Variants in ARHGEF10 observed in about 807,000 individuals in gnomAD.
ARHGEF10 encodes the protein Rho guanine nucleotide exchange factor 10.
Under a neutral mutation model 147.4 loss-of-function variants are expected in ARHGEF10, and 140 were observed. The ratio of observed to expected loss-of-function variants is 0.95; its 90% CI spans 0.83 to 1.09. ARHGEF10 has a LOEUF of 1.09. ARHGEF10 is among the 50% of genes least tolerant of loss of function. The pLI, the probability that ARHGEF10 is intolerant of heterozygous loss-of-function variation, is 0.00. For synonymous variants in ARHGEF10, 902 were observed against 695.8 expected (o/e 1.30, Z -4.67); for missense variants, 2,222 against 1,752.7 (o/e 1.27, Z -4.78).
rs527846761 is a variant in ARHGEF10 at position 1,856,730 on chromosome 8, CTG to C, written c.38-1226_38-1225del. On this transcript the variant is annotated intron_variant, in intron 2 of 28. Transcript: ENST00000349830. ...ATCTCCCTGGCCCACGGGGGATTGT[CTG>C]TGTTGGAGGGGCTTGGTTTGGGCTG... is the stretch of plus-strand genomic sequence containing the variant. Among the ~76,000 whole-genome samples, 10 of 152,288 alleles carry C rather than the reference CTG, an allele frequency of 6.6e-5. No individual in the cohort carries two copies. In the South Asian group the frequency reaches 1.2e-3, roughly 19 times the overall value.
intron 2 of ARHGEF10, among the ~76,000 whole-genome samples, chr8:1,854,292 AG>A (rs1274272415): frequency 6.6e-6 from 1 of 152,100 alleles, no homozygotes; most frequent in Non-Finnish European, 1.5e-5. Flanking sequence ...TCAGAGGAGC[AG>A]CCCAGCTCCA....
intron 1 of ARHGEF10, chr8:1,825,937 G>C: frequency 3.2e-6 from 2 of 630,714 alleles, no homozygotes; most frequent in Non-Finnish European, 5.5e-6. Flanking sequence ...AATATGTTTT[G>C]AACACCTGCT....
chr8:1,871,645 C>T lies in ARHGEF10; in HGVS notation c.679+2395C>T, dbSNP rs113300432. Among the ~76,000 whole-genome samples the T allele has an allele frequency of 2.8e-3, 428 of 152,190 alleles. 1 individual carries two copies. Among genetic ancestry groups the T allele is most frequent in the African/African-American group, 9.2e-3 (383 of 41,536 alleles). The stretch of plus-strand genomic sequence containing the variant: ...CCAGCCTGGCCAAGATGGTGAAACC[C>T]CATCTCTACTAAAAGTACAAAAATT... On this transcript the variant is annotated intron_variant, in intron 7 of 28. Transcript: ENST00000349830.
chr8:1,956,966 G>T lies in ARHGEF10; in HGVS notation c.3738G>T (p.Ser1246=), dbSNP rs3735876. 1.2e-6 allele frequency: 2 copies of T among 1,613,840 alleles called. No individual in the cohort carries two copies. Among genetic ancestry groups the T allele is most frequent in the South Asian group, 1.1e-5 (1 of 91,088 alleles). Residue 1246 remains serine, a synonymous_variant, in exon 29 of 29, where the codon TCG becomes TCT. Coordinates refer to ENST00000349830, the MANE Select transcript of ARHGEF10 (RefSeq NM_014629.4). ...DPDAAIWLGD[S]LGSMTQKSDL... ...ACGCAGCCATCTGGTTGGGAGATTC[G>T]CTGGGATCGATGACTCAGAAAAGCG...
At chr8:1,873,469 GT>G (rs1563209675) in intron 7 of ARHGEF10, among the ~76,000 whole-genome samples, 9 of 130,640 alleles carry the variant, frequency 6.9e-5, no homozygotes, top group Non-Finnish European at 1.2e-4. Context: ...TCCTCGTTGC[GT>G]TGAGAGGCGC....
intron 2 of ARHGEF10, among the ~76,000 whole-genome samples, chr8:1,852,809 C>T (rs1441545725): frequency 6.6e-6 from 1 of 152,236 alleles, no homozygotes; most frequent in Non-Finnish European, 1.5e-5. Flanking sequence ...GCCACCAAGG[C>T]AGCCCCAATG....
chr8:1,844,939 T>C (rs1169161777), intron 2 of ARHGEF10, among the ~76,000 whole-genome samples: 1 of 152,096 alleles, frequency 6.6e-6, no homozygotes, highest in Non-Finnish European at 1.5e-5. Context: ...TTAGTTGTAA[T>C]AGTTGTAATA....
chr8:1,836,524 A>T (rs1031389168), intron 1 of ARHGEF10, among the ~76,000 whole-genome samples: 1 of 151,852 alleles, frequency 6.6e-6, no homozygotes, highest in Non-Finnish European at 1.5e-5. Context: ...CAGGCTCTAG[A>T]CCCCCGGGCT....
rs748243323 is a variant in ARHGEF10 at position 1,894,480 on chromosome 8, C to A, written c.1348C>A (p.Leu450Met). ...KTVFYRVKEI[L>M]QCHSLFQIAL... ...GGTGTTCTACCGAGTCAAAGAGATC[C>A]TGCAGTGCCACTCGCTATTTCAGAT... Residue 450 changes from leucine to methionine, a missense_variant, in exon 13 of 29, where the codon CTG becomes ATG. Coordinates refer to ENST00000349830, the MANE Select transcript of ARHGEF10 (RefSeq NM_014629.4). 3 of 1,614,214 alleles carry A rather than the reference C, an allele frequency of 1.9e-6. No individual in the cohort carries two copies. In the South Asian group the frequency reaches 3.3e-5, roughly 18 times the overall value.
rs529237724 is a variant in ARHGEF10, at chr8:1,866,992, T to A, written c.622+390T>A. The stretch of plus-strand genomic sequence containing the variant: ...GAGATGCAGTGTCTGGCACCCGTTT[T>A]GAAGAGGGGGCGGGTGGGCCTCCCT... On this transcript the variant is annotated intron_variant, in intron 6 of 28. Transcript: ENST00000349830. Among the ~76,000 whole-genome samples, 373 of 150,998 alleles carry A rather than the reference T, an allele frequency of 2.5e-3. 1 individual carries two copies. The highest frequency in any genetic ancestry group is 8.5e-3 in the African/African-American group (350 of 41,202).
chr8:1,921,368 T>TGCATA (rs1427980167), intron 18 of ARHGEF10, among the ~76,000 whole-genome samples: 1 of 152,248 alleles, frequency 6.6e-6, no homozygotes, highest in Non-Finnish European at 1.5e-5. Context: ...AAGAACAAGC[T>TGCATA]GCATAATTTG....
At chr8:1,924,013 A>G (rs1247412820) in intron 21 of ARHGEF10, 139 bp downstream of exon 21, 1 of 862,670 alleles carries the variant, frequency 1.2e-6, no homozygotes, top group Non-Finnish European at 1.9e-6. Flanking sequence ...CTAAACAGGA[A>G]AATTCACCCT....
chr8:1,867,773 A>G (rs1806748685), intron 6 of ARHGEF10, among the ~76,000 whole-genome samples: 1 of 152,116 alleles, frequency 6.6e-6, no homozygotes, highest in African/African-American at 2.4e-5. Context: ...TGGCTCACTA[A>G]TTTCTATGTT....
intron 2 of ARHGEF10, among the ~76,000 whole-genome samples, chr8:1,853,645 G>C (rs925036078): frequency 6.6e-6 from 1 of 152,242 alleles, no homozygotes; most frequent in Non-Finnish European, 1.5e-5. Flanking sequence ...AGGGCCCTGA[G>C]GATGGCACAG....
intron 1 of ARHGEF10, among the ~76,000 whole-genome samples, chr8:1,837,746 G>A (rs1221048646): frequency 6.6e-6 from 1 of 152,170 alleles, no homozygotes; most frequent in Non-Finnish European, 1.5e-5. Context: ...ACCAGGGGAG[G>A]GCGCTGATTT....
rs190076240 is a variant in ARHGEF10, at chr8:1,951,229, G to A, written c.3398-1476G>A. Among the ~76,000 whole-genome samples, 239 of 152,352 alleles carry A rather than the reference G, an allele frequency of 1.6e-3. 1 individual carries two copies. The highest frequency in any genetic ancestry group is 5.4e-3 in the African/African-American group (223 of 41,580). On this transcript the variant is annotated intron_variant, in intron 27 of 28. Coordinates refer to ENST00000349830, the MANE Select transcript of ARHGEF10 (RefSeq NM_014629.4). ...GCGGCTGCGCCCCGGGCTGCTCCCCGTGTTGTAGAGCGGTCAGCACTTCGG... is the reference window on the plus strand; with the variant it reads ...GCGGCTGCGCCCCGGGCTGCTCCCCATGTTGTAGAGCGGTCAGCACTTCGG...
intron 25 of ARHGEF10, 92 bp downstream of exon 25, chr8:1,929,535 T>G: frequency 6.9e-7 from 1 of 1,442,274 alleles, no homozygotes; most frequent in Non-Finnish European, 9.2e-7. Context: ...CCCACCGGCC[T>G]CCTGCCTCCC....
chr8:1,840,357 G>T (rs907390716), intron 1 of ARHGEF10, among the ~76,000 whole-genome samples: 4 of 140,132 alleles, frequency 2.9e-5, no homozygotes, highest in South Asian at 2.5e-4. Flanking sequence ...TGTCTGGTGT[G>T]GAAGCTGTCC....
In ARHGEF10 at chr8:1,823,954, G is replaced by T. The variant is rs992565807; in HGVS notation, c.-207G>T. 2.0e-5 allele frequency: 3 copies of T among 150,834 alleles called. No homozygotes were observed. Among genetic ancestry groups the T allele is most frequent in the African/African-American group, 4.9e-5 (2 of 40,910 alleles). 9.3% of individuals were successfully genotyped at this position (150,834 alleles called of 1,614,324 possible). On this transcript the variant is annotated 5_prime_UTR_variant, in exon 1 of 29. Transcript: ENST00000349830. Reference sequence around the variant, plus strand: ...GGCTGGGCGCATCCCTGTAGCCGGCGGGCGCGCGATCCGGGACGGACGGGG... The same window carrying T: ...GGCTGGGCGCATCCCTGTAGCCGGCTGGCGCGCGATCCGGGACGGACGGGG...
Sources: allele counts gnomAD v4.1 joint callset (sites outside exome capture counted in the v4.1 genomes callset), GRCh38; gene constraint gnomAD v4.1.1; transcripts MANE v1.5; gene names NCBI Gene and HGNC (gene_info 2026-07-23, HGNC 2026-07-21).